RGPD1: variants seen among roughly 807,000 people sequenced by gnomAD.
The protein encoded by RGPD1 is RANBP2-like and GRIP domain-containing protein 1.
A neutral mutation model predicts 40.6 loss-of-function variants in RGPD1; 7 were observed. That is an observed-to-expected ratio of 0.17 (90% CI 0.10 to 0.32). RGPD1 has a LOEUF of 0.32. Ranked by LOEUF, RGPD1 falls within the 10% of genes least tolerant of loss-of-function variation. RGPD1 has a pLI of 1.00. For missense variants in RGPD1, 50 were observed against 472.5 expected, an observed-to-expected ratio of 0.11 and a Z score of 8.29; for synonymous variants, 24 against 167.0, an observed-to-expected ratio of 0.14 and a Z score of 6.60.
rs1164888197 is a variant in RGPD1, at chr2:86,919,539, C to G, written c.72+5618C>G. 1.9e-5 allele frequency among the ~76,000 whole-genome samples: 2 copies of G among 107,084 alleles called. 1 individual carries two copies. The highest frequency in any genetic ancestry group is 1.7e-4 in the Admixed American group (2 of 12,120). The allele number at this position is 107,084 out of a possible 152,430, so 70.3% of individuals were successfully genotyped here. ...TCTTAATGCTTTGCACACATCATCC[C>G]GGCCACATTGGCCTCAGCTCTGTTC... is the stretch of plus-strand genomic sequence containing the variant. On this transcript the variant is annotated intron_variant, in intron 1 of 22. Coordinates refer to the RGPD1 transcript ENST00000398193.
intron 1 of RGPD1, among the ~76,000 whole-genome samples, chr2:86,918,657 C>T (rs549859901): frequency 2.0e-5 from 3 of 148,090 alleles, no homozygotes; most frequent in African/African-American, 7.6e-5. Context: ...GATGGGGTTT[C>T]ACCATGTTAG....
chr2:86,942,271 T>C lies in RGPD1; in HGVS notation c.35T>C (p.Val12Ala). ...AGCAAGGCCTACGGGGAGCGGTACG[T>C]CGCCTCGGTGCAGGGCTCCGCCCCG... ...RRSKAYGERY[V>A]ASVQGSAPSP... Residue 12 changes from valine to alanine, a missense_variant, in exon 1 of 23, where the codon GTC becomes GCC. Transcript: ENST00000641458. 6.2e-7 allele frequency: 1 copy of C among 1,607,112 alleles called. No homozygotes were observed.
At chr2:86,943,130 G>A (rs1043804583) in intron 1 of RGPD1, among the ~76,000 whole-genome samples, 3 of 151,330 alleles carry the variant, frequency 2.0e-5, no homozygotes, top group African/African-American at 7.3e-5. Flanking sequence ...CGGCTGTGTC[G>A]AGTGACAACG....
Position 86,942,256 on chromosome 2 carries a change from A to G in RGPD1, c.20A>G (p.Tyr7Cys), listed in dbSNP as rs1226784851. 1 of 1,606,896 alleles carries G rather than the reference A, an allele frequency of 6.2e-7. No individual in the cohort carries two copies. The highest frequency in any genetic ancestry group is 1.3e-5 in the African/African-American group (1 of 74,552). Residue 7 changes from tyrosine to cysteine, a missense_variant, in exon 1 of 23, where the codon TAC (tyrosine) becomes TGC (cysteine). Transcript: ENST00000641458. ...GGTGCGATGAGGCGCAGCAAGGCCT[A>G]CGGGGAGCGGTACGTCGCCTCGGTG... MRRSKA[Y>C]GERYVASVQG...
At chr2:86,945,233 G>C (rs1195111230) in intron 1 of RGPD1, among the ~76,000 whole-genome samples, 2 of 151,864 alleles carry the variant, frequency 1.3e-5, no homozygotes, top group African/African-American at 4.8e-5. Context: ...CTTACACTTA[G>C]AGTCTTTTTT....
In RGPD1 at chr2:87,013,347, C is replaced by G; in HGVS notation, c.*800C>G. 9.6e-6 allele frequency: 1 copy of G among 104,454 alleles called. No individual in the cohort carries two copies. Among genetic ancestry groups the G allele is most frequent in the Non-Finnish European group, 1.7e-5 (1 of 59,000 alleles). The allele number at this position is 104,454 out of a possible 1,614,324, so 6.5% of individuals were successfully genotyped here. On this transcript the variant is annotated 3_prime_UTR_variant, in exon 23 of 23. Coordinates refer to ENST00000641458, the MANE Select transcript of RGPD1 (RefSeq NM_001382344.1). ...TGAGCTCTCTGTGTATTGAGCCCCA[C>G]CAGGATGCTGGGGACACACGGGGCA... is the stretch of plus-strand genomic sequence containing the variant.
chr2:87,007,109 ATAAT>A (rs1477136840), intron 22 of RGPD1, among the ~76,000 whole-genome samples: 1 of 40,290 alleles, frequency 2.5e-5, no homozygotes, highest in African/African-American at 8.6e-5. Context: ...ATATAATCAG[ATAAT>A]TAGATTGCTC....
intron 1 of RGPD1, among the ~76,000 whole-genome samples, chr2:86,943,272 C>T (rs1680054289): frequency 1.6e-5 from 2 of 125,786 alleles, no homozygotes; most frequent in East Asian, 2.6e-4. Context: ...TCACCTCCCT[C>T]GCCCCCCCCC....
chr2:86,941,821 G>A (rs893348422), upstream of RGPD1, among the ~76,000 whole-genome samples: 2 of 150,470 alleles, frequency 1.3e-5, no homozygotes, highest in Non-Finnish European at 3.0e-5. Flanking sequence ...AGCGATTCTC[G>A]TGCCTCAGCC....
At chr2:86,925,156 A>G (rs1230673648) in intron 1 of RGPD1, among the ~76,000 whole-genome samples, 1 of 152,202 alleles carries the variant, frequency 6.6e-6, no homozygotes, top group South Asian at 2.1e-4. Context: ...AAGTTCTTAC[A>G]TGTTCTAGAC....
At chr2:86,941,749 C>T (rs1302201494), upstream of RGPD1, among the ~76,000 whole-genome samples, 5 of 150,320 alleles carry the variant, frequency 3.3e-5, no homozygotes, top group Non-Finnish European at 5.9e-5. Context: ...GTCTTACTCT[C>T]GCCCAGGCTT....
chr2:86,930,186 A>T, intron 1 of RGPD1: 5 of 1,443,626 alleles, frequency 3.5e-6, no homozygotes, highest in Non-Finnish European at 4.7e-6. Context: ...CACCCTCCTG[A>T]TGAGGGAGGG....
chr2:86,934,127 T>TC (rs1231880477), intron 1 of RGPD1, among the ~76,000 whole-genome samples: 1 of 120,984 alleles, frequency 8.3e-6, no homozygotes, highest in Non-Finnish European at 1.8e-5. Flanking sequence ...CTGTGGAAGG[T>TC]CGAGGGTGGA....
upstream of RGPD1, among the ~76,000 whole-genome samples, chr2:86,939,666 GAT>G (rs1294336570): frequency 1.5e-5 from 2 of 130,172 alleles, no homozygotes; most frequent in Non-Finnish European, 3.2e-5. Flanking sequence ...ATGAATTAAT[GAT>G]ACCATTTTTA....
At position 86,914,571 on chromosome 2, in the gene RGPD1, G is replaced by C. The variant is rs1366873466; in HGVS notation, c.72+650G>C. Among the ~76,000 whole-genome samples, 5 of 59,802 alleles carry C rather than the reference G, an allele frequency of 8.4e-5. 1 individual carries two copies. Among genetic ancestry groups the C allele is most frequent in the Non-Finnish European group, 1.7e-4 (5 of 29,114 alleles). 39.2% of individuals were successfully genotyped at this position (59,802 alleles called of 152,430 possible). A position where few individuals can be genotyped will look rare whatever the true frequency, so the allele number is the denominator to read the frequency against. ...CGGCGGCGGCGGCGGCGGCGGCGGC[G>C]GCCTCGGCCTCGGCCTCGGCCTTGG... On this transcript the variant is annotated intron_variant, in intron 1 of 22. Coordinates refer to the RGPD1 transcript ENST00000398193.
rs1396656552 is a variant in RGPD1 at position 87,009,070 on chromosome 2, C to T, written c.5237-3443C>T. ...CCTATAATGCCAGCAATTTGGGAGG[C>T]CGAGGCGGGCAGATCGCAAGGTCAG... On this transcript the variant is annotated intron_variant, in intron 22 of 22. Transcript: ENST00000641458. Among the ~76,000 whole-genome samples the T allele has an allele frequency of 1.4e-5, 2 of 146,966 alleles. 1 individual carries two copies. Among genetic ancestry groups the T allele is most frequent in the African/African-American group, 5.1e-5 (2 of 39,178 alleles).
intron 1 of RGPD1, chr2:86,913,968 T>G (rs77430146): frequency 1.3e-6 from 1 of 792,430 alleles, no homozygotes; most frequent in Non-Finnish European, 1.7e-6. Context: ...GGCGGGGCGG[T>G]GGCCTCGACC....
At chr2:87,007,692 CA>C (rs1682111666) in intron 22 of RGPD1, among the ~76,000 whole-genome samples, 1 of 152,270 alleles carries the variant, frequency 6.6e-6, no homozygotes, top group Non-Finnish European at 1.5e-5. Flanking sequence ...GGCCTTTTGC[CA>C]AGACAAATTA....
At chr2:86,943,945 T>C (rs6721094) in intron 1 of RGPD1, among the ~76,000 whole-genome samples, 55,033 of 150,412 alleles carry the variant, frequency 0.37, 10,379 homozygotes, top group East Asian at 0.45. Flanking sequence ...ACCCGGGAGG[T>C]GGAGGTTCCA....
Sources: gnomAD v4.1 joint callset for allele counts (sites outside exome capture counted in the v4.1 genomes callset) on GRCh38, gnomAD v4.1.1 for gene constraint, MANE v1.5 for transcripts, NCBI Gene and HGNC (gene_info 2026-07-23, HGNC 2026-07-21) for gene names.